Variants in KRT8 observed in about 807,000 individuals in gnomAD.
KRT8 encodes the protein keratin, type II cytoskeletal 8.
In KRT8, 24 loss-of-function variants were observed where a neutral mutation model predicts 43.0. The ratio of observed to expected loss-of-function variants is 0.56; its 90% CI spans 0.40 to 0.78. KRT8 has a LOEUF of 0.78. Among genes scored for constraint, KRT8 ranks in the 30% least tolerant of loss-of-function variants. The pLI is 0.00. For synonymous variants in KRT8, 214 were observed against 261.2 expected (o/e 0.82, Z 1.74); for missense variants, 492 against 638.4 (o/e 0.77, Z 2.47).
chr12:52,926,332 G>GCCCAAC, intron 2 of KRT8: 1 of 600,278 alleles, frequency 1.7e-6, no homozygotes, highest in Non-Finnish European at 3.0e-6. Flanking sequence ...GGCACTAGCT[G>GCCCAAC]CCCTCCCCAC....
At chr12:52,949,629 G>A (rs567645766) in intron 1 of KRT8, 2 of 1,557,100 alleles carry the variant, frequency 1.3e-6, no homozygotes, top group South Asian at 2.2e-5. Context: ...AGCCTTGTCT[G>A]ACCCTCCAAT....
chr12:52,920,500 G>A (rs1199393720), intron 2 of KRT8, among the ~76,000 whole-genome samples: 1 of 152,154 alleles, frequency 6.6e-6, no homozygotes, highest in Admixed American at 6.6e-5. Flanking sequence ...AAGAGGCTGA[G>A]GCAGGCGAAT....
At chr12:52,913,393 G>A (rs973204152) in intron 2 of KRT8, among the ~76,000 whole-genome samples, 3 of 152,196 alleles carry the variant, frequency 2.0e-5, no homozygotes, top group Non-Finnish European at 4.4e-5. Context: ...ATGATTCTAT[G>A]TACCTTTCAA....
rs148314886 is a variant in KRT8 at position 52,931,096 on chromosome 12, G to A, written c.-47+18360C>T. On this transcript the variant is annotated intron_variant, in intron 2 of 6. Transcript: ENST00000546826. ...CTTTTTTTTTTTTTTGAGACAGAGT[G>A]TCGCTCTGTTGCCCAGGCTGCAGTG... Among the ~76,000 whole-genome samples the A allele has an allele frequency of 8.2e-5, 12 of 145,470 alleles. No homozygotes were observed. The East Asian group carries it at 2.5e-3, about 30-fold the overall frequency.
upstream of KRT8, among the ~76,000 whole-genome samples, chr12:52,909,772 C>T (rs953460524): frequency 1.3e-5 from 2 of 152,168 alleles, no homozygotes; most frequent in African/African-American, 4.8e-5. Flanking sequence ...TAGAGCTTTA[C>T]GCACTGAAGA....
intron 5 of KRT8, chr12:52,899,123 G>C (rs938909106): frequency 1.3e-5 from 7 of 542,230 alleles, no homozygotes; most frequent in African/African-American, 1.9e-5. Context: ...GGCCATCCTG[G>C]CTAACACAGT....
At chr12:52,920,198 A>C (rs1439104831) in intron 2 of KRT8, among the ~76,000 whole-genome samples, 1 of 152,212 alleles carries the variant, frequency 6.6e-6, no homozygotes. Context: ...TTATTATTTT[A>C]TTTAGCAATC....
intron 2 of KRT8, among the ~76,000 whole-genome samples, chr12:52,920,520 C>T (rs764659353): frequency 1.3e-5 from 2 of 152,092 alleles, no homozygotes; most frequent in African/African-American, 2.4e-5. Context: ...TTGATTGAAC[C>T]CAGGGGGCAG....
At chr12:52,938,170 A>ATATATC (rs1555189967) in intron 2 of KRT8, among the ~76,000 whole-genome samples, 1 of 30,322 alleles carries the variant, frequency 3.3e-5, no homozygotes, top group Non-Finnish European at 5.9e-5. Flanking sequence ...ATATATATAT[A>ATATATC]TTTTTTTTTT....
chr12:52,903,704 G>GT (rs895475542), intron 1 of KRT8: 4 of 152,438 alleles, frequency 2.6e-5, no homozygotes, highest in African/African-American at 9.6e-5. Flanking sequence ...GACACGGGCT[G>GT]AATGGGCGAG....
At chr12:52,905,545 G>C (rs571679435), upstream of KRT8, among the ~76,000 whole-genome samples, 1 of 152,286 alleles carries the variant, frequency 6.6e-6, no homozygotes, top group Admixed American at 6.5e-5. Context: ...GGGCCTGCCT[G>C]AGCTGGATGA....
chr12:52,927,283 A>C (rs1942010163), intron 2 of KRT8, among the ~76,000 whole-genome samples: 1 of 152,166 alleles, frequency 6.6e-6, no homozygotes, highest in Non-Finnish European at 1.5e-5. Context: ...CCAGCAGGAA[A>C]TAGGTGGGCC....
intron 2 of KRT8, among the ~76,000 whole-genome samples, chr12:52,920,843 A>T (rs1941869226): frequency 6.6e-6 from 1 of 152,210 alleles, no homozygotes; most frequent in Non-Finnish European, 1.5e-5. Context: ...GTTCAAGACC[A>T]GCCTGGACAA....
intron 2 of KRT8, 137 bp from the exon 3 acceptor site, chr12:52,901,356 T>G: frequency 1.4e-6 from 1 of 732,504 alleles, no homozygotes. Flanking sequence ...CTGGTCCTTC[T>G]GCCTTCCCCA....
chr12:52,912,644 C>T (rs183215333), intron 2 of KRT8, among the ~76,000 whole-genome samples: 1 of 152,340 alleles, frequency 6.6e-6, no homozygotes, highest in East Asian at 1.9e-4. Flanking sequence ...AAGACGTGGG[C>T]AGGGGATGGT....
intron 1 of KRT8, among the ~76,000 whole-genome samples, chr12:52,902,545 G>A (rs926872555): frequency 2.2e-4 from 34 of 151,840 alleles, no homozygotes; most frequent in African/African-American, 7.7e-4. Context: ...CTGCCACCAC[G>A]CCCCACTAAT....
upstream of KRT8, among the ~76,000 whole-genome samples, chr12:52,910,207 C>CTG (rs1356731204): frequency 6.6e-6 from 1 of 152,206 alleles, no homozygotes; most frequent in Admixed American, 6.5e-5. Flanking sequence ...CCCCTTAACT[C>CTG]TGGTTCTCCA....
intron 2 of KRT8, among the ~76,000 whole-genome samples, chr12:52,927,877 G>A (rs188954656): frequency 5.9e-5 from 9 of 152,254 alleles, no homozygotes; most frequent in Admixed American, 3.3e-4. Flanking sequence ...TCAGGAGTTC[G>A]AAATCAGCCT....
intron 2 of KRT8, among the ~76,000 whole-genome samples, chr12:52,920,340 G>A (rs1445344815): frequency 7.9e-5 from 12 of 151,500 alleles, no homozygotes; most frequent in African/African-American, 2.4e-4. Context: ...GCTCACGCCT[G>A]TAATCCCAGC....
Sources: gnomAD v4.1 joint callset for allele counts (sites outside exome capture counted in the v4.1 genomes callset) on GRCh38, gnomAD v4.1.1 for gene constraint, MANE v1.5 for transcripts, NCBI Gene and HGNC (gene_info 2026-07-23, HGNC 2026-07-21) for gene names.